DLGAP2: variants seen among roughly 807,000 people sequenced by gnomAD.
The protein encoded by DLGAP2 is disks large-associated protein 2.
DLGAP2 carries 26 observed loss-of-function variants against 100.3 expected under a neutral mutation model. The ratio of observed to expected loss-of-function variants is 0.26; its 90% CI spans 0.19 to 0.36. The LOEUF (loss-of-function observed/expected upper bound fraction) is 0.36, where lower values mean the gene tolerates loss of function less well. Ranked by LOEUF, DLGAP2 falls within the 10% of genes least tolerant of loss-of-function variation. DLGAP2 has a pLI of 1.00. For missense variants in DLGAP2, 1,858 were observed against 1,453.2 expected, an observed-to-expected ratio of 1.28 and a Z score of -4.53; for synonymous variants, 886 against 630.1, an observed-to-expected ratio of 1.41 and a Z score of -6.08.
chr8:1,699,537 C>A (rs971335719), intron 14 of DLGAP2, among the ~76,000 whole-genome samples: 3 of 152,058 alleles, frequency 2.0e-5, no homozygotes, highest in Non-Finnish European at 2.9e-5. Context: ...TGGAGTGAAC[C>A]CGGAAGGCAG....
At chr8:1,228,987 T>C (rs967220126) in intron 2 of DLGAP2, among the ~76,000 whole-genome samples, 23 of 152,154 alleles carry the variant, frequency 1.5e-4, no homozygotes, top group African/African-American at 5.5e-4. Context: ...AGCAAAACAA[T>C]ATCTATTTGC....
intron 2 of DLGAP2, among the ~76,000 whole-genome samples, chr8:970,904 T>G (rs907712730): frequency 3.9e-5 from 6 of 152,178 alleles, no homozygotes; most frequent in Non-Finnish European, 8.8e-5. Flanking sequence ...TCTAAGAAAA[T>G]ATAAAATTTC....
At chr8:1,325,308 A>T (rs963373027) in intron 3 of DLGAP2, among the ~76,000 whole-genome samples, 54 of 152,166 alleles carry the variant, frequency 3.5e-4, no homozygotes, top group African/African-American at 1.2e-3. Context: ...GGAAGTTCCC[A>T]AACAACTTAG....
intron 2 of DLGAP2, among the ~76,000 whole-genome samples, chr8:1,256,343 GTCCTCTCCTGC>G: frequency 7.7e-6 from 1 of 129,634 alleles, no homozygotes. Flanking sequence ...CCATGTGTGT[GTCCTCTCCTGC>G]CCGGGTGCTG....
At chr8:1,651,460 G>C (rs919450042) in intron 8 of DLGAP2, among the ~76,000 whole-genome samples, 1 of 152,162 alleles carries the variant, frequency 6.6e-6, no homozygotes, top group East Asian at 1.9e-4. Context: ...ATCACCAAGA[G>C]ACTGGAAGTT....
At chr8:1,091,611 C>T (rs1017226578) in intron 2 of DLGAP2, among the ~76,000 whole-genome samples, 43 of 152,312 alleles carry the variant, frequency 2.8e-4, no homozygotes, top group African/African-American at 9.6e-4. Context: ...CAGGTCCCTC[C>T]GGCTGTCATT....
chr8:1,102,942 C>G lies in DLGAP2; in HGVS notation c.74-155909C>G, dbSNP rs191742109. Among the ~76,000 whole-genome samples, 34 of 151,708 alleles carry G rather than the reference C, an allele frequency of 2.2e-4. 1 individual carries two copies. The East Asian group carries it at 5.6e-3, about 25-fold the overall frequency. On this transcript the variant is annotated intron_variant, in intron 2 of 14. Transcript: ENST00000637795. Reference sequence around the variant, plus strand: ...TGAGTCTCTGGGTCCCTATGAGTCTCTGGGGTCTCTGTGGTTTTCCGGGGT... The same window carrying G: ...TGAGTCTCTGGGTCCCTATGAGTCTGTGGGGTCTCTGTGGTTTTCCGGGGT...
At chr8:1,578,700 A>G (rs1803096768) in intron 6 of DLGAP2, among the ~76,000 whole-genome samples, 2 of 152,214 alleles carry the variant, frequency 1.3e-5, no homozygotes, top group South Asian at 4.1e-4. Flanking sequence ...AATTATATAT[A>G]TAAGCGTTTT....
chr8:1,077,789 C>A (rs954021415), intron 2 of DLGAP2, among the ~76,000 whole-genome samples: 2 of 152,174 alleles, frequency 1.3e-5, no homozygotes, highest in Non-Finnish European at 1.5e-5. Context: ...TATCAAACTC[C>A]CCTTTTCCAC....
At chr8:1,686,473 G>T (rs963085782) in intron 12 of DLGAP2, among the ~76,000 whole-genome samples, 2 of 152,162 alleles carry the variant, frequency 1.3e-5, no homozygotes, top group Non-Finnish European at 2.9e-5. Flanking sequence ...TTTGAGACCA[G>T]CCTGGCCAAC....
intron 2 of DLGAP2, among the ~76,000 whole-genome samples, chr8:995,360 A>G (rs907830164): frequency 4.6e-5 from 7 of 152,236 alleles, no homozygotes; most frequent in Non-Finnish European, 7.3e-5. Context: ...TTTGATGTCA[A>G]TGAAATATTA....
chr8:1,492,147 GA>G, intron 3 of DLGAP2, among the ~76,000 whole-genome samples: 1 of 152,328 alleles, frequency 6.6e-6, no homozygotes, highest in East Asian at 1.9e-4. Flanking sequence ...AGCTTCTGTG[GA>G]GACTTGATCC....
intron 3 of DLGAP2, among the ~76,000 whole-genome samples, chr8:1,351,635 G>C (rs368950166): frequency 4.8e-4 from 20 of 41,722 alleles, no homozygotes; most frequent in Admixed American, 1.1e-3. Context: ...CGGGTCCTGA[G>C]TGTGCGTGGA....
intron 3 of DLGAP2, among the ~76,000 whole-genome samples, chr8:1,358,162 G>A (rs895154506): frequency 6.6e-6 from 1 of 152,192 alleles, no homozygotes; most frequent in African/African-American, 2.4e-5. Context: ...CTTTTCTGAA[G>A]TAGCTTTGTA....
At chr8:1,068,921 C>T (rs557749458) in intron 2 of DLGAP2, among the ~76,000 whole-genome samples, 16 of 152,192 alleles carry the variant, frequency 1.1e-4, no homozygotes, top group Admixed American at 3.3e-4. Flanking sequence ...TGGGCAGCCC[C>T]GGGGGCTGGG....
At chr8:1,422,309 A>G (rs2129939680) in intron 3 of DLGAP2, among the ~76,000 whole-genome samples, 1 of 152,342 alleles carries the variant, frequency 6.6e-6, no homozygotes, top group Non-Finnish European at 1.5e-5. Flanking sequence ...ACAATAGGGA[A>G]GAAGTGCATT....
chr8:1,580,886 G>A (rs1444399576), intron 6 of DLGAP2, among the ~76,000 whole-genome samples: 1 of 150,748 alleles, frequency 6.6e-6, no homozygotes, highest in African/African-American at 2.4e-5. Context: ...GAAGGATACA[G>A]ACAAAACCCC....
At chr8:1,552,955 G>A (rs775814388) in intron 5 of DLGAP2, among the ~76,000 whole-genome samples, 1 of 152,180 alleles carries the variant, frequency 6.6e-6, no homozygotes, top group Non-Finnish European at 1.5e-5. Flanking sequence ...AGCATCTAAG[G>A]TCAAACTTTT....
chr8:1,493,415 G>A (rs1036163068), intron 3 of DLGAP2, among the ~76,000 whole-genome samples: 3 of 152,160 alleles, frequency 2.0e-5, no homozygotes, highest in South Asian at 2.1e-4. Flanking sequence ...CGCATAGACC[G>A]CTGCCTCCAT....
Sources: allele counts gnomAD v4.1 joint callset (sites outside exome capture counted in the v4.1 genomes callset), GRCh38; gene constraint gnomAD v4.1.1; transcripts MANE v1.5; gene names NCBI Gene and HGNC (gene_info 2026-07-23, HGNC 2026-07-21).